Variants in ATOSA observed in about 807,000 individuals in gnomAD.
ATOSA encodes the protein atos homolog A.
chr15:52,643,292 G>A, the ATOSA span, among the ~76,000 whole-genome samples: 1 of 152,058 alleles, frequency 6.6e-6, no homozygotes, highest in East Asian at 1.9e-4. Flanking sequence ...AAAAACACTT[G>A]AACTTTTTAA....
the ATOSA span, among the ~76,000 whole-genome samples, chr15:52,663,330 T>C: frequency 6.6e-5 from 10 of 152,350 alleles, no homozygotes; most frequent in African/African-American, 1.9e-4. Context: ...CCTATGACCT[T>C]TGATAGTAAA....
the ATOSA span, among the ~76,000 whole-genome samples, chr15:52,618,767 C>T: frequency 1.3e-5 from 2 of 152,048 alleles, no homozygotes; most frequent in African/African-American, 4.8e-5. Flanking sequence ...TCACTTTAAC[C>T]TCAAACTCCT....
At chr15:52,681,732 A>G in the ATOSA span, among the ~76,000 whole-genome samples, 1 of 152,118 alleles carries the variant, frequency 6.6e-6, no homozygotes, top group Non-Finnish European at 1.5e-5. Flanking sequence ...GCCGTATATG[A>G]GTAATTAACT....
the ATOSA span, chr15:52,605,343 C>G: frequency 1.3e-6 from 1 of 797,192 alleles, no homozygotes; most frequent in Non-Finnish European, 2.0e-6. Context: ...CTAATACATT[C>G]TGAGGTATTG....
chr15:52,587,002 C>G, the ATOSA span: 1 of 1,484,228 alleles, frequency 6.7e-7, no homozygotes, highest in South Asian at 1.3e-5. Flanking sequence ...AATGGTCATT[C>G]CTGGGGCAGA....
At chr15:52,691,846 A>G in the ATOSA span, among the ~76,000 whole-genome samples, 1 of 105,742 alleles carries the variant, frequency 9.5e-6, no homozygotes, top group Non-Finnish European at 2.1e-5. Flanking sequence ...AAATAAATAA[A>G]TAAATAAATA....
At chr15:52,696,691 T>C in the ATOSA span, among the ~76,000 whole-genome samples, 1 of 152,276 alleles carries the variant, frequency 6.6e-6, no homozygotes, top group East Asian at 1.9e-4. Flanking sequence ...TGTCTCAAGG[T>C]ATCATTTATA....
the ATOSA span, among the ~76,000 whole-genome samples, chr15:52,687,042 T>G: frequency 6.6e-6 from 1 of 152,202 alleles, no homozygotes; most frequent in Non-Finnish European, 1.5e-5. Context: ...GCCCTAGAGA[T>G]ACAGAGACTA....
At chr15:52,609,948 A>G in the ATOSA span, 7 of 1,612,208 alleles carry the variant, frequency 4.3e-6, no homozygotes, top group African/African-American at 2.7e-5. Flanking sequence ...TATCACCTAT[A>G]CCACTAAAGC....
the ATOSA span, chr15:52,609,112 G>A: frequency 6.2e-7 from 1 of 1,613,414 alleles, no homozygotes; most frequent in Non-Finnish European, 8.5e-7. Flanking sequence ...TTTGTTCTGT[G>A]TCTCCTGATA....
the ATOSA span, among the ~76,000 whole-genome samples, chr15:52,605,755 T>C: frequency 3.3e-5 from 5 of 152,120 alleles, no homozygotes; most frequent in Admixed American, 2.6e-4. Context: ...TCAGAATTTA[T>C]CATCTAGCAA....
the ATOSA span, among the ~76,000 whole-genome samples, chr15:52,654,723 A>G: frequency 6.6e-6 from 1 of 152,154 alleles, no homozygotes; most frequent in African/African-American, 2.4e-5. Flanking sequence ...CAAATATAAA[A>G]TGGGAAAATT....
At chr15:52,632,612 T>A in the ATOSA span, among the ~76,000 whole-genome samples, 1 of 152,188 alleles carries the variant, frequency 6.6e-6, no homozygotes, top group South Asian at 2.1e-4. Flanking sequence ...ATGATAGGAA[T>A]TATTAATTAG....
At chr15:52,691,175 G>A in the ATOSA span, among the ~76,000 whole-genome samples, 1 of 152,094 alleles carries the variant, frequency 6.6e-6, no homozygotes, top group African/African-American at 2.4e-5. Flanking sequence ...TATTTTAGTG[G>A]AGCATTAAGA....
At chr15:52,687,411 T>A in the ATOSA span, among the ~76,000 whole-genome samples, 10 of 152,154 alleles carry the variant, frequency 6.6e-5, no homozygotes, top group South Asian at 2.1e-4. Flanking sequence ...TCTCAAAAAA[T>A]AAATAAATAA....
chr15:52,678,044 G>T, the ATOSA span: 1 of 1,613,992 alleles, frequency 6.2e-7, no homozygotes, highest in African/African-American at 1.3e-5. Flanking sequence ...TTTTCGCCCA[G>T]AGTGCTGTGA....
the ATOSA span, among the ~76,000 whole-genome samples, chr15:52,681,922 C>T: frequency 6.6e-6 from 1 of 152,144 alleles, no homozygotes; most frequent in Non-Finnish European, 1.5e-5. Flanking sequence ...TTACGATGAC[C>T]AAAGTCATGG....
At chr15:52,698,383 T>C in the ATOSA span, among the ~76,000 whole-genome samples, 3 of 152,314 alleles carry the variant, frequency 2.0e-5, no homozygotes, top group African/African-American at 7.2e-5. Flanking sequence ...ATCTGCTTTA[T>C]GATCCAGCAA....
At chr15:52,619,289 A>G in the ATOSA span, among the ~76,000 whole-genome samples, 1 of 152,226 alleles carries the variant, frequency 6.6e-6, no homozygotes, top group Admixed American at 6.5e-5. Context: ...AAGTTACATC[A>G]TTAAAATTTT....
Sources: gnomAD v4.1 joint callset for allele counts (sites outside exome capture counted in the v4.1 genomes callset) on GRCh38, gnomAD v4.1.1 for gene constraint, MANE v1.5 for transcripts, NCBI Gene and HGNC (gene_info 2026-07-23, HGNC 2026-07-21) for gene names.